RHEB: variants seen among roughly 807,000 people sequenced by gnomAD.
RHEB encodes Ras homolog, mTORC1 binding, also known as GTP-binding protein Rheb.
A neutral mutation model predicts 28.8 loss-of-function variants in RHEB; 2 were observed. The observed-to-expected ratio is 0.07, with a 90% confidence interval of 0.03 to 0.22. The LOEUF (loss-of-function observed/expected upper bound fraction) is 0.22, where lower values mean the gene tolerates loss of function less well. Ranked by LOEUF, RHEB falls within the 10% of genes least tolerant of loss-of-function variation. The pLI is 1.00. For missense variants in RHEB, 76 were observed against 219.9 expected (o/e 0.35, Z 4.14); for synonymous variants, 69 against 77.3 (o/e 0.89, Z 0.56).
At chr7:151,500,757 A>G (rs1025349366) in intron 1 of RHEB, among the ~76,000 whole-genome samples, 7 of 152,178 alleles carry the variant, frequency 4.6e-5, no homozygotes, top group African/African-American at 1.7e-4. Flanking sequence ...TCCAAAATAG[A>G]TCATATTGCT....
In RHEB at chr7:151,490,933, C is replaced by A. The variant is rs1178663756; in HGVS notation, c.124+10G>T. The A allele has an allele frequency of 6.2e-7, 1 of 1,600,936 alleles. No homozygotes were observed. Among genetic ancestry groups the A allele is most frequent in the African/African-American group, 1.3e-5 (1 of 74,620 alleles). On this transcript the variant is annotated intron_variant, in intron 2 of 7. Coordinates refer to ENST00000262187, the MANE Select transcript of RHEB (RefSeq NM_005614.4). Reference sequence around the variant, plus strand: ...TTCTCAGTTTTTAAGTACTTGAAAACAATACTTACTGTTTTCTATGGTTGG... The same window carrying A: ...TTCTCAGTTTTTAAGTACTTGAAAAAAATACTTACTGTTTTCTATGGTTGG...
rs367772094 is a variant in RHEB at position 151,516,157 on chromosome 7, G to A, written c.52+3303C>T. Among the ~76,000 whole-genome samples the A allele has an allele frequency of 2.4e-4, 36 of 152,298 alleles. No individual in the cohort carries two copies. The East Asian group carries it at 5.8e-3, about 24-fold the overall frequency. ...CAACAGTTAATACAAAGCACTCCCTGAAAGCCAGACTCCCAGAGTTATAGG... is the reference window on the plus strand; with the variant it reads ...CAACAGTTAATACAAAGCACTCCCTAAAAGCCAGACTCCCAGAGTTATAGG... On this transcript the variant is annotated intron_variant, in intron 1 of 7. Transcript: ENST00000262187.
At position 151,485,931 on chromosome 7, in the gene RHEB, T is replaced by C. The variant is rs186653816; in HGVS notation, c.125-1127A>G. 4.2e-3 allele frequency among the ~76,000 whole-genome samples: 640 copies of C among 152,364 alleles called. 5 individuals are homozygous for C. Among genetic ancestry groups the C allele is most frequent in the African/African-American group, 0.011 (475 of 41,592 alleles). ...GGCCACACTATATTATGCTTGTACC[T>C]GTTCCGGAAGTTATCACTTTTAGGA... On this transcript the variant is annotated intron_variant, in intron 2 of 7. Coordinates refer to ENST00000262187, the MANE Select transcript of RHEB (RefSeq NM_005614.4).
At position 151,491,345 on chromosome 7, in the gene RHEB, T is replaced by A. The variant is rs532785533; in HGVS notation, c.53-331A>T. 2.7e-3 allele frequency among the ~76,000 whole-genome samples: 410 copies of A among 152,354 alleles called. 3 individuals are homozygous for A. Among genetic ancestry groups the A allele is most frequent in the African/African-American group, 9.5e-3 (394 of 41,570 alleles). The stretch of plus-strand genomic sequence containing the variant: ...CTAATTTCCTCTAGTATTCTTGGAA[T>A]CTTGCTATTTAATTTTAATATGAAA... On this transcript the variant is annotated intron_variant, in intron 1 of 7. Coordinates refer to ENST00000262187, the MANE Select transcript of RHEB (RefSeq NM_005614.4).
intron 1 of RHEB, among the ~76,000 whole-genome samples, chr7:151,499,273 A>C (rs1802728986): frequency 6.6e-6 from 1 of 152,132 alleles, no homozygotes; most frequent in South Asian, 2.1e-4. Context: ...CACAAGAATC[A>C]CTTGAACCTG....
chr7:151,511,496 C>T (rs1474691832), intron 1 of RHEB, among the ~76,000 whole-genome samples: 5 of 151,940 alleles, frequency 3.3e-5, no homozygotes, highest in Admixed American at 2.0e-4. Context: ...AAGAGCACAA[C>T]GTAAAGGCTT....
intron 1 of RHEB, among the ~76,000 whole-genome samples, chr7:151,496,992 T>C (rs1802686054): frequency 6.6e-6 from 1 of 150,394 alleles, no homozygotes; most frequent in African/African-American, 2.5e-5. Context: ...GGTTTCACTG[T>C]GTTAGCCAGG....
intron 1 of RHEB, among the ~76,000 whole-genome samples, chr7:151,513,312 C>T (rs898196308): frequency 2.0e-4 from 31 of 152,274 alleles, no homozygotes; most frequent in African/African-American, 7.5e-4. Context: ...AGCTGGCAGA[C>T]ATTTTCTTGG....
intron 1 of RHEB, among the ~76,000 whole-genome samples, chr7:151,506,083 C>G (rs576324922): frequency 6.6e-6 from 1 of 152,050 alleles, no homozygotes; most frequent in East Asian, 1.9e-4. Context: ...TCTGTCAAAA[C>G]TCATCCAACT....
intron 1 of RHEB, among the ~76,000 whole-genome samples, chr7:151,505,214 A>C (rs963352297): frequency 1.3e-5 from 2 of 152,166 alleles, no homozygotes; most frequent in Admixed American, 1.3e-4. Context: ...CAAACTTACA[A>C]ACTTCTTCTG....
intron 2 of RHEB, among the ~76,000 whole-genome samples, chr7:151,487,180 G>A (rs1247942524): frequency 2.0e-5 from 3 of 152,220 alleles, no homozygotes; most frequent in Non-Finnish European, 4.4e-5. Context: ...GCTCACGCCT[G>A]TAGTCCTAGC....
At chr7:151,501,961 G>T (rs973338312) in intron 1 of RHEB, 2 of 655,218 alleles carry the variant, frequency 3.1e-6, no homozygotes, top group Non-Finnish European at 5.7e-6. Context: ...AGGCGGGCTG[G>T]GCGCCGTGGC....
chr7:151,488,982 C>T lies in RHEB; in HGVS notation c.124+1961G>A, dbSNP rs188070598. Among the ~76,000 whole-genome samples, 815 of 152,246 alleles carry T rather than the reference C, an allele frequency of 5.4e-3. 15 individuals carry two copies. The highest frequency in any genetic ancestry group is 0.019 in the African/African-American group (776 of 41,530). On this transcript the variant is annotated intron_variant, in intron 2 of 7. Transcript: ENST00000262187. ...TTGAGACCACATCTTGCTCTGCTGC[C>T]CAGGCTGGAGTACAGTGACATGATT...
At chr7:151,487,857 T>C (rs1364197385) in intron 2 of RHEB, among the ~76,000 whole-genome samples, 3 of 152,226 alleles carry the variant, frequency 2.0e-5, no homozygotes, top group Non-Finnish European at 4.4e-5. Flanking sequence ...GACTAATAGC[T>C]ATTTACTAGT....
intron 1 of RHEB, among the ~76,000 whole-genome samples, chr7:151,515,389 T>G (rs1584870780): frequency 6.6e-6 from 1 of 151,998 alleles, no homozygotes; most frequent in Non-Finnish European, 1.5e-5. Context: ...CTTTTTGGGG[T>G]GATGAAGTAC....
Position 151,466,905 on chromosome 7 carries a change from T to C in RHEB, c.*214A>G, listed in dbSNP as rs564852744. 12 of 455,694 alleles carry C rather than the reference T, an allele frequency of 2.6e-5. No individual in the cohort carries two copies. Among genetic ancestry groups the C allele is most frequent in the Non-Finnish European group, 3.6e-5 (9 of 253,084 alleles). 28.2% of individuals were successfully genotyped at this position (455,694 alleles called of 1,614,324 possible). A position where few individuals can be genotyped will look rare whatever the true frequency, so the allele number is the denominator to read the frequency against. ...AATATTAAGAAATACAATATATAAA[T>C]TGAAAATATGATTGCTTAAAATTTG... is the stretch of plus-strand genomic sequence containing the variant. On this transcript the variant is annotated 3_prime_UTR_variant, in exon 8 of 8. Transcript: ENST00000262187.
At chr7:151,515,954 T>C (rs1453415195) in intron 1 of RHEB, among the ~76,000 whole-genome samples, 5 of 152,226 alleles carry the variant, frequency 3.3e-5, no homozygotes, top group African/African-American at 7.2e-5. Flanking sequence ...TATGGTCTAA[T>C]GGTAAACTAG....
rs958068226 is a variant in RHEB at position 151,502,007 on chromosome 7, G to A, written c.53-10993C>T. On this transcript the variant is annotated intron_variant, in intron 1 of 7. Transcript: ENST00000262187. ...AATCCCAGCACTTTGAGGCCGAGGC[G>A]GGCAGATCACCTGAGGTCAGGAGTT... 36 of 511,596 alleles carry A rather than the reference G, an allele frequency of 7.0e-5. No individual in the cohort carries two copies. The East Asian group carries it at 7.9e-4, about 11-fold the overall frequency. The allele number at this position is 511,596 out of a possible 1,614,324, so 31.7% of individuals were successfully genotyped here. A position where few individuals can be genotyped will look rare whatever the true frequency, so the allele number is the denominator to read the frequency against.
At chr7:151,507,068 T>C (rs2150936947) in intron 1 of RHEB, among the ~76,000 whole-genome samples, 1 of 152,118 alleles carries the variant, frequency 6.6e-6, no homozygotes, top group Admixed American at 6.5e-5. Flanking sequence ...ACCAGGAGAG[T>C]GCCTCGTTGG....
Sources: allele counts gnomAD v4.1 joint callset (sites outside exome capture counted in the v4.1 genomes callset), GRCh38; gene constraint gnomAD v4.1.1; transcripts MANE v1.5; gene names NCBI Gene and HGNC (gene_info 2026-07-23, HGNC 2026-07-21).